FBRS: variants seen among roughly 807,000 people sequenced by gnomAD.
FBRS encodes probable fibrosin-1.
Under a neutral mutation model 86.1 loss-of-function variants are expected in FBRS, and 15 were observed. That is an observed-to-expected ratio of 0.17 (90% CI 0.12 to 0.27). The LOEUF is 0.27. Among genes scored for constraint, FBRS ranks in the 10% least tolerant of loss-of-function variants. The pLI is 1.00. For missense variants in FBRS, 1,367 were observed against 1,301.6 expected, an observed-to-expected ratio of 1.05 and a Z score of -0.77; for synonymous variants, 666 against 575.8, an observed-to-expected ratio of 1.16 and a Z score of -2.24.
In FBRS at chr16:30,668,545, C is replaced by A; in HGVS notation, c.2075-15C>A. 1.2e-6 allele frequency: 2 copies of A among 1,606,396 alleles called. No homozygotes were observed. The highest frequency in any genetic ancestry group is 1.1e-5 in the South Asian group (1 of 90,778). On this transcript the variant is annotated splice_polypyrimidine_tract_variant and intron_variant, in intron 15 of 17. Transcript: ENST00000356166. ...GGCTGCCCAGTGCTCTGACCACCCC[C>A]CTTTCCTCCCACAGATCCCTTTGGG...
At position 30,668,892 on chromosome 16, in the gene FBRS, C is replaced by G; in HGVS notation, c.2279C>G (p.Pro760Arg). ...CTGACCTTTCCTGCCTGGGTCCGGC[C>G]CCCTGAGGCCGCCCGGACTCCAGGC... The part of the protein sequence containing the change: ...SPLTFPAWVR[P>R]PEAARTPGSD... Residue 760 changes from proline to arginine, a missense_variant, in exon 17 of 18, where the codon CCC becomes CGC. Pro to Arg is a moderately radical substitution (Grantham distance 103). This residue lies in a region of FBRS where 659 missense variants were observed against 678.8 expected (regional missense o/e 0.97). Transcript: ENST00000356166. 6.3e-7 allele frequency: 1 copy of G among 1,586,020 alleles called. No homozygotes were observed. The highest frequency in any genetic ancestry group is 8.5e-7 in the Non-Finnish European group (1 of 1,169,948).
chr16:30,664,680 A>G (rs2052500825), intron 7 of FBRS, 35 bp from the exon 8 acceptor site: 3 of 1,471,868 alleles, frequency 2.0e-6, no homozygotes, highest in African/African-American at 1.4e-5. Context: ...TGATGTGGCG[A>G]CAGCATTAAA....
chr16:30,666,853 T>G, intron 12 of FBRS, 66 bp from the exon 13 acceptor site: 1 of 1,534,292 alleles, frequency 6.5e-7, no homozygotes, highest in South Asian at 1.2e-5. Context: ...GAGCCAGGCC[T>G]GGAGTGGATG....
At position 30,668,783 on chromosome 16, in the gene FBRS, G is replaced by A. The variant is rs765730952; in HGVS notation, c.2170G>A (p.Val724Ile). Residue 724 changes from valine to isoleucine, a missense_variant, in exon 17 of 18, where the codon GTC becomes ATC. By Grantham distance (29) the Val-to-Ile change is conservative. Around this residue, in one of 3 missense-constraint regions of FBRS, gnomAD observed 659 missense variants for 678.8 expected, o/e 0.97. Transcript: ENST00000356166. ...CACCCTCTGCCCAGACTCCGGCGCC[G>A]TCTTTGCCCAGAAAGAAAGCCCAGG... ...LGSPTFNSGA[V>I]FAQKESPGAP... 39 of 1,600,300 alleles carry A rather than the reference G, an allele frequency of 2.4e-5. No homozygotes were observed. Among genetic ancestry groups the A allele is most frequent in the Middle Eastern group, 1.7e-4 (1 of 6,048 alleles).
chr16:30,666,384 C>A, intron 11 of FBRS, 128 bp from the exon 12 acceptor site: 1 of 1,147,982 alleles, frequency 8.7e-7, no homozygotes, highest in Non-Finnish European at 1.3e-6. Context: ...TGGGCCTGAG[C>A]AGGAAGGGTT....
At position 30,665,020 on chromosome 16, in the gene FBRS, C is replaced by T. The variant is rs1265757616; in HGVS notation, c.1564-15C>T. The T allele has an allele frequency of 2.5e-6, 4 of 1,613,182 alleles. No homozygotes were observed. Among genetic ancestry groups the T allele is most frequent in the Admixed American group, 1.7e-5 (1 of 59,894 alleles). Reference sequence around the variant, plus strand: ...GTCCCTGGCTGGCAGCTTACTCTTCCCTTCTCTTCCCTAGTTTGAGAAATA... The same window carrying T: ...GTCCCTGGCTGGCAGCTTACTCTTCTCTTCTCTTCCCTAGTTTGAGAAATA... On this transcript the variant is annotated splice_polypyrimidine_tract_variant and intron_variant, in intron 8 of 17. Coordinates refer to ENST00000356166, the MANE Select transcript of FBRS (RefSeq NM_001105079.3). This position sits in a 1 kb window ranked among gnomAD's most constrained non-coding sequence, Gnocchi z 4.1.
At position 30,664,874 on chromosome 16, in the gene FBRS, T is replaced by C; in HGVS notation, c.1517T>C (p.Phe506Ser). Residue 506 changes from phenylalanine to serine, a missense_variant, in exon 8 of 18, where the codon TTC (phenylalanine) becomes TCC (serine). Coordinates refer to ENST00000356166, the MANE Select transcript of FBRS (RefSeq NM_001105079.3). Reference sequence around the variant, plus strand: ...ACCCACCAGCACACCCACCAGCACTTCACCCCTTATCCCCCGGGCCTGCTG... The same window carrying C: ...ACCCACCAGCACACCCACCAGCACTCCACCCCTTATCCCCCGGGCCTGCTG... ...QHTHQHTHQH[F>S]TPYPPGLLPP... 6.2e-7 allele frequency: 1 copy of C among 1,607,714 alleles called. No individual in the cohort carries two copies. The highest frequency in any genetic ancestry group is 8.5e-7 in the Non-Finnish European group (1 of 1,177,252).
chr16:30,666,213 T>C, intron 11 of FBRS: 1 of 569,186 alleles, frequency 1.8e-6, no homozygotes, highest in East Asian at 2.9e-5. Flanking sequence ...AACAGACCGC[T>C]ATACTCTAAA....
chr16:30,666,666 A>T (rs1329876342), intron 12 of FBRS, 125 bp downstream of exon 12: 3 of 1,487,056 alleles, frequency 2.0e-6, no homozygotes, highest in Non-Finnish European at 2.8e-6. Flanking sequence ...GATGTGGAAC[A>T]GCAGAGAGTG....
Position 30,665,216 on chromosome 16 carries a change from C to A in FBRS, c.1609-90C>A. 6.6e-7 allele frequency: 1 copy of A among 1,511,546 alleles called. No homozygotes were observed. The highest frequency in any genetic ancestry group is 2.2e-5 in the Admixed American group (1 of 45,964). The allele number at this position is 1,511,546 out of a possible 1,614,324, so 93.6% of individuals were successfully genotyped here. On this transcript the variant is annotated intron_variant, in intron 9 of 17. Coordinates refer to ENST00000356166, the MANE Select transcript of FBRS (RefSeq NM_001105079.3). The surrounding 1 kb of genome is among the most constrained non-coding windows in gnomAD (Gnocchi z 4.1). ...GAGCCTGGGACAGCTCCCTGGGGGG[C>A]TTTAGGGTGGAGGCCCGTGGACTGA... is the stretch of plus-strand genomic sequence containing the variant.
At chr16:30,660,616 C>T (rs534118687) in intron 2 of FBRS, 174 bp downstream of exon 2, 29 of 1,072,894 alleles carry the variant, frequency 2.7e-5, no homozygotes, top group Non-Finnish European at 3.3e-5. Context: ...TGTCTACAGT[C>T]AGGTGCACCT....
Position 30,662,606 on chromosome 16 carries a change from T to C in FBRS, c.802T>C (p.Ser268Pro). ...AFNGNCEAKL[S>P]VVPKVSGLER... ...CAATGGGAACTGTGAAGCAAAACTC[T>C]CCGTGGTCCCTAAAGTGTCGGGCCT... The change falls in exon 6 of 18, where the codon TCC (serine) becomes CCC (proline). Residue 268 changes from serine to proline, a missense_variant. Transcript: ENST00000356166. 2 of 1,541,872 alleles carry C rather than the reference T, an allele frequency of 1.3e-6. No homozygotes were observed. The highest frequency in any genetic ancestry group is 1.8e-6 in the Non-Finnish European group (2 of 1,140,980).
intron 1 of FBRS, 101 bp downstream of exon 1, chr16:30,660,078 C>T (rs2052438452): frequency 2.1e-6 from 3 of 1,460,670 alleles, no homozygotes; most frequent in East Asian, 5.2e-5. Context: ...ATGCTGGCAC[C>T]CCAAACCAGA....
rs867308872 is a variant in FBRS, at chr16:30,665,336, G to C, written c.1639G>C (p.Gly547Arg). 1 of 1,566,314 alleles carries C rather than the reference G, an allele frequency of 6.4e-7. No individual in the cohort carries two copies. The highest frequency in any genetic ancestry group is 8.6e-7 in the Non-Finnish European group (1 of 1,156,620). Residue 547 changes from glycine to arginine, a missense_variant, in exon 10 of 18, where the codon GGG becomes CGG. By Grantham distance (125) the Gly-to-Arg change is moderately radical. Coordinates refer to ENST00000356166, the MANE Select transcript of FBRS (RefSeq NM_001105079.3). This position sits in a 1 kb window ranked among gnomAD's most constrained non-coding sequence, Gnocchi z 4.1. ...CACGGCCTTCCCTCCCGCAGTGCCC[G>C]GGCTGCCTCCGGGCCTCCCGCCGGC... ...PYTAFPPAVP[G>R]LPPGLPPAVS... is the part of the protein sequence containing the mutation.
Position 30,659,333 on chromosome 16 carries a change from G to A in FBRS, c.-186G>A, listed in dbSNP as rs1390350349. 5.2e-6 allele frequency: 1 copy of A among 193,200 alleles called. No individual in the cohort carries two copies. The highest frequency in any genetic ancestry group is 1.3e-4 in the East Asian group (1 of 7,894). The allele number at this position is 193,200 out of a possible 1,614,324, so 12.0% of individuals were successfully genotyped here. On this transcript the variant is annotated 5_prime_UTR_variant, in exon 1 of 18. Coordinates refer to ENST00000356166, the MANE Select transcript of FBRS (RefSeq NM_001105079.3). ...GGGGCCCTCGGGCTTGTCGCCCCGG[G>A]GGCGGCGCCGGCTCCCCGGGCCGTG...
chr16:30,669,937 C>T lies in FBRS; in HGVS notation c.*292C>T. ...GGGCCTCCTGAGGTACACCTTTGCCCCTGTAAGGGCCTCTAGGCCCTGGGC... is the reference window on the plus strand; with the variant it reads ...GGGCCTCCTGAGGTACACCTTTGCCTCTGTAAGGGCCTCTAGGCCCTGGGC... On this transcript the variant is annotated 3_prime_UTR_variant, in exon 18 of 18. Transcript: ENST00000356166. This position sits in a 1 kb window ranked among gnomAD's most constrained non-coding sequence, Gnocchi z 5.9. 1.8e-6 allele frequency: 1 copy of T among 554,140 alleles called. No homozygotes were observed. The highest frequency in any genetic ancestry group is 3.2e-6 in the Non-Finnish European group (1 of 309,314). 34.3% of individuals were successfully genotyped at this position (554,140 alleles called of 1,614,324 possible). A position where few individuals can be genotyped will look rare whatever the true frequency, so the allele number is the denominator to read the frequency against.
At chr16:30,663,017 G>A in intron 6 of FBRS, 158 bp downstream of exon 6, 1 of 1,240,852 alleles carries the variant, frequency 8.1e-7, no homozygotes, top group Non-Finnish European at 1.0e-6. Context: ...GGACTTATTT[G>A]AGTCCGTTAC....
At chr16:30,666,886 C>T (rs1299080576) in intron 12 of FBRS, 33 bp from the exon 13 acceptor site, 2 of 1,601,722 alleles carry the variant, frequency 1.2e-6, no homozygotes, top group Non-Finnish European at 1.7e-6. Context: ...TCTTTCCTTC[C>T]CTTTCCCTTT....
chr16:30,668,999 T>TCCCCCCCCCCCCCCCCCC lies in FBRS; in HGVS notation c.2366+20_2366+21insCCCCCCCCCCCCCCCCCC. On this transcript the variant is annotated intron_variant, in intron 17 of 17. Coordinates refer to ENST00000356166, the MANE Select transcript of FBRS (RefSeq NM_001105079.3). Reference sequence around the variant, plus strand: ...GGACAGGTGTGCCTCCCACCCACCCTGCCCCTGCCCCACCCTCAGCCCCTG... The same window carrying TCCCCCCCCCCCCCCCCCC: ...GGACAGGTGTGCCTCCCACCCACCCTCCCCCCCCCCCCCCCCCCGCCCCTGCCCCACCCTCAGCCCCTG... 6.3e-6 allele frequency: 2 copies of TCCCCCCCCCCCCCCCCCC among 319,468 alleles called. No individual in the cohort carries two copies. Among genetic ancestry groups the TCCCCCCCCCCCCCCCCCC allele is most frequent in the South Asian group, 3.8e-5 (1 of 26,124 alleles). The allele number at this position is 319,468 out of a possible 1,614,324, so 19.8% of individuals were successfully genotyped here.
Sources: gnomAD v4.1 joint callset for allele counts on GRCh38, gnomAD v4.1.1 for gene constraint, gnomAD v4.1.1 regional missense constraint, Gnocchi (gnomAD v3.1) non-coding constraint, MANE v1.5 for transcripts, NCBI Gene and HGNC (gene_info 2026-07-23, HGNC 2026-07-21) for gene names.